Variants in CNTNAP2 observed in about 807,000 individuals in gnomAD.
CNTNAP2 encodes the protein contactin-associated protein-like 2.
A neutral mutation model predicts 155.2 loss-of-function variants in CNTNAP2; 98 were observed. The ratio of observed to expected loss-of-function variants is 0.63; its 90% CI spans 0.54 to 0.75. CNTNAP2 has a LOEUF of 0.75. Ranked by LOEUF, CNTNAP2 falls within the 30% of genes least tolerant of loss-of-function variation. CNTNAP2 has a pLI of 0.00. For synonymous variants in CNTNAP2, 651 were observed against 631.2 expected (o/e 1.03, Z -0.47); for missense variants, 1,727 against 1,688.1 (o/e 1.02, Z -0.40).
intron 1 of CNTNAP2, among the ~76,000 whole-genome samples, chr7:146,425,762 T>A (rs1823602300): frequency 6.6e-6 from 1 of 152,214 alleles, no homozygotes; most frequent in Non-Finnish European, 1.5e-5. Context: ...TAACCTCATG[T>A]CATTCTCTAA....
At chr7:146,258,148 T>C (rs2129081020) in intron 1 of CNTNAP2, among the ~76,000 whole-genome samples, 1 of 152,312 alleles carries the variant, frequency 6.6e-6, no homozygotes, top group African/African-American at 2.4e-5. Flanking sequence ...TGCCTCGCCC[T>C]TCCAGAGTGC....
intron 1 of CNTNAP2, among the ~76,000 whole-genome samples, chr7:146,321,130 G>T (rs775440272): frequency 6.6e-6 from 1 of 152,098 alleles, no homozygotes; most frequent in Non-Finnish European, 1.5e-5. Context: ...TTACCTTAAA[G>T]ATGATGATGC....
rs907563263 is a variant in CNTNAP2, at chr7:148,034,145, A to G, written c.2383+56156A>G. Among the ~76,000 whole-genome samples the G allele has an allele frequency of 3.3e-5, 5 of 152,376 alleles. 1 individual carries two copies. The highest frequency in any genetic ancestry group is 6.8e-3 in the Middle Eastern group (2 of 294). On this transcript the variant is annotated intron_variant, in intron 15 of 23. Transcript: ENST00000361727. ...ATGCTTTGATATAAATGAGACATCT[A>G]TATCTATCAGGTTAACATAGAGATA...
intron 3 of CNTNAP2, among the ~76,000 whole-genome samples, chr7:147,038,696 T>A (rs1011661296): frequency 6.6e-6 from 1 of 152,200 alleles, no homozygotes; most frequent in African/African-American, 2.4e-5. Context: ...AAACCTCTCC[T>A]CCCTGAACAA....
chr7:147,573,267 A>G (rs2116811819), intron 12 of CNTNAP2, among the ~76,000 whole-genome samples: 1 of 152,310 alleles, frequency 6.6e-6, no homozygotes, highest in African/African-American at 2.4e-5. Context: ...GCATTTACGT[A>G]CAGACAATTT....
At chr7:146,343,995 A>G (rs542511679) in intron 1 of CNTNAP2, among the ~76,000 whole-genome samples, 1 of 152,240 alleles carries the variant, frequency 6.6e-6, no homozygotes, top group Admixed American at 6.5e-5. Context: ...ATATTTGTGG[A>G]TATAACCCCT....
intron 3 of CNTNAP2, among the ~76,000 whole-genome samples, chr7:146,973,013 C>T (rs1797833541): frequency 6.6e-6 from 1 of 152,112 alleles, no homozygotes; most frequent in African/African-American, 2.4e-5. Flanking sequence ...CTCAGTCACA[C>T]TGGTTATGTT....
intron 2 of CNTNAP2, among the ~76,000 whole-genome samples, chr7:146,822,605 A>G (rs1428313617): frequency 6.7e-6 from 1 of 150,366 alleles, no homozygotes; most frequent in Non-Finnish European, 1.5e-5. Context: ...TGTGAATTAG[A>G]TGGTTAACGA....
At chr7:147,077,128 T>C (rs1012486315) in intron 4 of CNTNAP2, among the ~76,000 whole-genome samples, 7 of 152,192 alleles carry the variant, frequency 4.6e-5, no homozygotes, top group Admixed American at 4.6e-4. Context: ...AAGTATTTTC[T>C]CATCCTTAAA....
intron 1 of CNTNAP2, among the ~76,000 whole-genome samples, chr7:146,381,244 A>G (rs1453374119): frequency 1.3e-5 from 2 of 152,214 alleles, no homozygotes; most frequent in Admixed American, 6.5e-5. Context: ...TTGACCTGAG[A>G]TTGCTACATA....
At chr7:147,349,746 G>C (rs1795938118) in intron 9 of CNTNAP2, among the ~76,000 whole-genome samples, 1 of 151,858 alleles carries the variant, frequency 6.6e-6, no homozygotes, top group South Asian at 2.1e-4. Context: ...GTGAACATAT[G>C]TACTACCCTA....
intron 13 of CNTNAP2, among the ~76,000 whole-genome samples, chr7:147,902,802 GTGTGTGTGTGTA>G (rs747227245): frequency 0.026 from 3,398 of 129,788 alleles, 47 homozygotes; most frequent in East Asian, 0.078. Context: ...GTGTGTGTGT[GTGTGTGTGTGTA>G]TGTGTGTGTG....
chr7:147,315,369 A>G lies in CNTNAP2; in HGVS notation c.1498+15079A>G, dbSNP rs1213514789. ...TTTTCATGACCCCAAATAGAACCCC[A>G]AAACTATTAGAAATCACTCTGAATT... On this transcript the variant is annotated intron_variant, in intron 9 of 23. Transcript: ENST00000361727. Among the ~76,000 whole-genome samples the G allele has an allele frequency of 1.3e-5, 2 of 150,814 alleles. 1 individual carries two copies. The highest frequency in any genetic ancestry group is 3.0e-5 in the Non-Finnish European group (2 of 67,462).
At chr7:147,683,231 G>A (rs962197705) in intron 13 of CNTNAP2, among the ~76,000 whole-genome samples, 23 of 150,976 alleles carry the variant, frequency 1.5e-4, no homozygotes, top group African/African-American at 5.6e-4. Flanking sequence ...AAGGACAAAT[G>A]TAATTAATCC....
chr7:147,326,158 T>A (rs1795454139), intron 9 of CNTNAP2, among the ~76,000 whole-genome samples: 1 of 152,174 alleles, frequency 6.6e-6, no homozygotes, highest in Non-Finnish European at 1.5e-5. Context: ...TCTCCTGACC[T>A]GGTGATCCGC....
At chr7:147,722,329 A>G (rs1796577619) in intron 13 of CNTNAP2, among the ~76,000 whole-genome samples, 1 of 152,170 alleles carries the variant, frequency 6.6e-6, no homozygotes, top group African/African-American at 2.4e-5. Context: ...AAATGTCATC[A>G]GCAAGACATT....
chr7:147,042,311 C>T (rs1799275456), intron 3 of CNTNAP2, among the ~76,000 whole-genome samples: 1 of 152,128 alleles, frequency 6.6e-6, no homozygotes, highest in Non-Finnish European at 1.5e-5. Flanking sequence ...TAAATATTAT[C>T]CATTATGTGG....
intron 13 of CNTNAP2, among the ~76,000 whole-genome samples, chr7:147,775,436 A>C (rs1433674505): frequency 4.6e-4 from 59 of 128,208 alleles, no homozygotes; most frequent in African/African-American, 1.6e-3. Context: ...TATCTGAAGA[A>C]ATTCTGAACC....
At chr7:147,131,328 TATC>T (rs1430365255) in intron 7 of CNTNAP2, among the ~76,000 whole-genome samples, 1 of 151,402 alleles carries the variant, frequency 6.6e-6, no homozygotes, top group Admixed American at 6.6e-5. Context: ...CCAATGAAAA[TATC>T]ATCCAATTAC....
Sources: allele counts gnomAD v4.1 joint callset (sites outside exome capture counted in the v4.1 genomes callset), GRCh38; gene constraint gnomAD v4.1.1; transcripts MANE v1.5; gene names NCBI Gene and HGNC (gene_info 2026-07-23, HGNC 2026-07-21).